The following SPTBN1 variants were observed in gnomAD, a reference collection of about 807,000 sequenced individuals.
SPTBN1 encodes spectrin beta, non-erythrocytic 1.
In SPTBN1, 32 loss-of-function variants were observed where a neutral mutation model predicts 266.4. That is an observed-to-expected ratio of 0.12 (90% confidence interval 0.09 to 0.16). The LOEUF (loss-of-function observed/expected upper bound fraction) is 0.16, where lower values mean the gene tolerates loss of function less well. Among genes scored for constraint, SPTBN1 ranks in the 10% least tolerant of loss-of-function variants. The probability of loss-of-function intolerance (pLI) is 1.00; values close to 1 mark genes in which losing one functional copy is unlikely to be tolerated. For synonymous variants in SPTBN1, 1,336 were observed against 1,162.2 expected (o/e 1.15, Z -3.04); for missense variants, 2,296 against 3,067.1 (o/e 0.75, Z 5.94).
chr2:54,588,890 G>A (rs1169524455), intron 2 of SPTBN1, among the ~76,000 whole-genome samples: 2 of 152,052 alleles, frequency 1.3e-5, no homozygotes, highest in Non-Finnish European at 2.9e-5. Flanking sequence ...CCTGGTTTTG[G>A]CACCTTACAC....
At chr2:54,522,486 T>G (rs1252910913) in intron 1 of SPTBN1, among the ~76,000 whole-genome samples, 4 of 151,430 alleles carry the variant, frequency 2.6e-5, no homozygotes, top group Non-Finnish European at 5.9e-5. Flanking sequence ...CAAAAATTAG[T>G]CAGGCATGAT....
intron 2 of SPTBN1, chr2:54,526,782 AGT>A (rs1434351296): frequency 6.8e-6 from 3 of 439,664 alleles, no homozygotes; most frequent in Non-Finnish European, 1.2e-5. Context: ...CAGAGCACAG[AGT>A]GTTATTTATA....
At chr2:54,584,344 A>T (rs1479661969) in intron 2 of SPTBN1, among the ~76,000 whole-genome samples, 1 of 152,174 alleles carries the variant, frequency 6.6e-6, no homozygotes, top group Non-Finnish European at 1.5e-5. Context: ...ATTATTTTTT[A>T]AATCTGTAGT....
intron 2 of SPTBN1, among the ~76,000 whole-genome samples, chr2:54,568,879 C>A (rs1205727881): frequency 6.6e-6 from 1 of 152,216 alleles, no homozygotes. Context: ...AAATACTCTT[C>A]TTCAGCCACA....
intron 2 of SPTBN1, among the ~76,000 whole-genome samples, chr2:54,596,807 A>G (rs188689163): frequency 6.6e-6 from 1 of 151,932 alleles, no homozygotes; most frequent in Non-Finnish European, 1.5e-5. Flanking sequence ...CTCTGCACCC[A>G]CCCATGACCT....
intron 1 of SPTBN1, among the ~76,000 whole-genome samples, chr2:54,524,130 C>T (rs1237891826): frequency 6.6e-6 from 1 of 152,012 alleles, no homozygotes; most frequent in Non-Finnish European, 1.5e-5. Flanking sequence ...ACCCAGGAGG[C>T]GGAGGCTGCA....
Position 54,572,675 on chromosome 2 carries a change from A to T in SPTBN1, c.149-26417A>T, listed in dbSNP as rs79743830. On this transcript the variant is annotated intron_variant, in intron 2 of 35. Transcript: ENST00000356805. ...AAAAAATCTTTGTTTTTCCTCTACA[A>T]ATATACATATATGATTTCAATTTGG... Among the ~76,000 whole-genome samples the T allele has an allele frequency of 1.4e-3, 209 of 152,290 alleles. 3 individuals are homozygous for T. The East Asian group carries it at 0.034, about 25-fold the overall frequency.
intron 2 of SPTBN1, among the ~76,000 whole-genome samples, chr2:54,538,313 T>C (rs762059811): frequency 7.9e-5 from 12 of 152,222 alleles, no homozygotes; most frequent in Non-Finnish European, 1.3e-4. Flanking sequence ...TATCCCAAGC[T>C]TGCATCTTTG....
In SPTBN1 at chr2:54,645,385, G is replaced by A. The variant is rs1022346238; in HGVS notation, c.4426G>A (p.Glu1476Lys). ...CATGGAGTTGCTGGAGCCCTTGAAC[G>A]AGAGGAAGCATAACCTGCTGGCCTC... ...KFMELLEPLN[E>K]RKHNLLASKE... is the part of the protein sequence containing the mutation. Residue 1476 changes from glutamate to lysine, a missense_variant, in exon 21 of 36, where the codon GAG becomes AAG. Coordinates refer to ENST00000356805, the MANE Select transcript of SPTBN1 (RefSeq NM_003128.3). The surrounding 1 kb of genome is among the most constrained non-coding windows in gnomAD (Gnocchi z 4.3). 1.2e-5 allele frequency: 19 copies of A among 1,614,078 alleles called. No homozygotes were observed. Among genetic ancestry groups the A allele is most frequent in the Admixed American group, 5.0e-5 (3 of 60,008 alleles).
intron 3 of SPTBN1, among the ~76,000 whole-genome samples, chr2:54,601,065 C>T (rs1300899956): frequency 6.6e-6 from 1 of 152,062 alleles, no homozygotes; most frequent in African/African-American, 2.4e-5. Context: ...TCTCCCACTC[C>T]TCTCCTTATT....
chr2:54,567,239 G>A (rs1380756195), intron 2 of SPTBN1, among the ~76,000 whole-genome samples: 2 of 152,216 alleles, frequency 1.3e-5, no homozygotes, highest in Non-Finnish European at 2.9e-5. Context: ...GGATGGGGTG[G>A]TAGGAAGGAT....
At chr2:54,550,931 G>A (rs1434344987) in intron 2 of SPTBN1, among the ~76,000 whole-genome samples, 1 of 152,136 alleles carries the variant, frequency 6.6e-6, no homozygotes. Flanking sequence ...ATGTCTTGAC[G>A]ATGAGATTTG....
chr2:54,487,175 T>C (rs1224221082), intron 1 of SPTBN1, among the ~76,000 whole-genome samples: 8 of 131,848 alleles, frequency 6.1e-5, no homozygotes, highest in Admixed American at 4.6e-4. Flanking sequence ...GATTTCTTTT[T>C]TTTTTTTTTT....
chr2:54,559,796 C>A (rs899679463), intron 2 of SPTBN1, among the ~76,000 whole-genome samples: 1 of 152,132 alleles, frequency 6.6e-6, no homozygotes, highest in African/African-American at 2.4e-5. Context: ...AAGTAGTATT[C>A]GAGGACTGTG....
intron 7 of SPTBN1, 82 bp from the exon 8 acceptor site, chr2:54,621,318 G>T: frequency 1.1e-6 from 1 of 935,668 alleles, no homozygotes; most frequent in Non-Finnish European, 1.7e-6. Context: ...ATGTTGACCA[G>T]CAGTCGTTGC....
chr2:54,531,614 T>TG (rs1341343169), intron 2 of SPTBN1, among the ~76,000 whole-genome samples: 1 of 151,832 alleles, frequency 6.6e-6, no homozygotes, highest in East Asian at 1.9e-4. Context: ...TTTTGTTTTT[T>TG]TTTTTTAATG....
intron 2 of SPTBN1, among the ~76,000 whole-genome samples, chr2:54,532,298 A>G (rs1469605767): frequency 1.3e-5 from 2 of 152,228 alleles, no homozygotes; most frequent in Non-Finnish European, 2.9e-5. Context: ...CAAAAATAAT[A>G]ATAGTTAGAA....
chr2:54,595,163 A>G lies in SPTBN1; in HGVS notation c.149-3929A>G, dbSNP rs370262196. ...TTAAATGATTTGAATTAGTGAGACT[A>G]TTTCTTTGCTGGAGAAAAGACGGAA... is the stretch of plus-strand genomic sequence containing the variant. On this transcript the variant is annotated intron_variant, in intron 2 of 35. Transcript: ENST00000356805. Among the ~76,000 whole-genome samples the G allele has an allele frequency of 1.5e-4, 23 of 152,288 alleles. No homozygotes were observed. The South Asian group carries it at 3.1e-3, about 21-fold the overall frequency.
At chr2:54,654,973 G>A (rs3951246) in intron 27 of SPTBN1, 97 bp from the exon 28 acceptor site, 7 of 654,990 alleles carry the variant, frequency 1.1e-5, no homozygotes, top group South Asian at 6.3e-5. Flanking sequence ...TTCTTTCAAG[G>A]CCATCAGTTT....
Sources: gnomAD v4.1 joint callset for allele counts (sites outside exome capture counted in the v4.1 genomes callset) on GRCh38, gnomAD v4.1.1 for gene constraint, Gnocchi (gnomAD v3.1) non-coding constraint, MANE v1.5 for transcripts, NCBI Gene and HGNC (gene_info 2026-07-23, HGNC 2026-07-21) for gene names.